GLIS3: variants seen among roughly 807,000 people sequenced by gnomAD.
GLIS3 encodes zinc finger protein GLIS3.
GLIS3 carries 53 observed loss-of-function variants against 78.6 expected under a neutral mutation model. That is an observed-to-expected ratio of 0.67 (90% confidence interval 0.54 to 0.85). GLIS3 has a LOEUF of 0.85. GLIS3 is among the 40% of genes least tolerant of loss of function. GLIS3 has a pLI of 0.00. For missense variants in GLIS3, 1,703 were observed against 1,231.1 expected (o/e 1.38, Z -5.74); for synonymous variants, 684 against 509.9 (o/e 1.34, Z -4.60).
intron 4 of GLIS3, among the ~76,000 whole-genome samples, chr9:4,091,814 T>C (rs1295648305): frequency 6.6e-6 from 1 of 152,178 alleles, no homozygotes; most frequent in Non-Finnish European, 1.5e-5. Context: ...GGCAGTTCTT[T>C]ATAGCAGCGT....
intron 4 of GLIS3, among the ~76,000 whole-genome samples, chr9:3,967,011 C>CAAAAAAAAAAAA (rs776900943): frequency 2.0e-4 from 6 of 29,594 alleles, no homozygotes; most frequent in South Asian, 1.3e-3. Flanking sequence ...TTTCTTTCTG[C>CAAAAAAAAAAAA]AAAAAAAAAA....
At chr9:4,063,462 T>C (rs1211725712) in intron 4 of GLIS3, among the ~76,000 whole-genome samples, 1 of 152,052 alleles carries the variant, frequency 6.6e-6, no homozygotes, top group Non-Finnish European at 1.5e-5. Flanking sequence ...AATCTATTCA[T>C]GTAATTTAGC....
rs140687401 is a variant in GLIS3 at position 3,903,100 on chromosome 9, C to T, written c.1984-4265G>A. Among the ~76,000 whole-genome samples the T allele has an allele frequency of 5.3e-5, 8 of 152,280 alleles. No homozygotes were observed. The East Asian group carries it at 1.4e-3, about 26-fold the overall frequency. ...ATCTTGGCAATTTTCTAAGAAGCCT[C>T]CTTGGGACATCTGGACCTTAAAAGT... On this transcript the variant is annotated intron_variant, in intron 6 of 10. Transcript: ENST00000381971.
intron 2 of GLIS3, among the ~76,000 whole-genome samples, chr9:4,254,257 G>A (rs1437676559): frequency 6.6e-6 from 1 of 152,160 alleles, no homozygotes; most frequent in Non-Finnish European, 1.5e-5. Flanking sequence ...AGATACGTGA[G>A]AATAAAGAGT....
At chr9:3,893,603 C>T (rs1038196246) in intron 7 of GLIS3, among the ~76,000 whole-genome samples, 4 of 152,180 alleles carry the variant, frequency 2.6e-5, no homozygotes, top group Non-Finnish European at 4.4e-5. Context: ...TCTAACTCCT[C>T]CCAGTCAAAA....
intron 2 of GLIS3, among the ~76,000 whole-genome samples, chr9:4,312,253 A>T (rs181025195): frequency 6.6e-6 from 1 of 152,304 alleles, no homozygotes; most frequent in Non-Finnish European, 1.5e-5. Context: ...GGATCACTTG[A>T]GGTCAGGAGT....
chr9:4,137,867 T>C (rs950472101), intron 2 of GLIS3, among the ~76,000 whole-genome samples: 2 of 152,180 alleles, frequency 1.3e-5, no homozygotes, highest in African/African-American at 2.4e-5. Flanking sequence ...AAAGAGGAAA[T>C]GTAAGCACAT....
At chr9:4,059,422 C>A (rs1826435591) in intron 4 of GLIS3, among the ~76,000 whole-genome samples, 1 of 152,206 alleles carries the variant, frequency 6.6e-6, no homozygotes. Context: ...TGCCAGAGTG[C>A]CATGATGGGA....
At chr9:4,313,588 C>T (rs1412821431) in intron 2 of GLIS3, among the ~76,000 whole-genome samples, 2 of 152,224 alleles carry the variant, frequency 1.3e-5, no homozygotes, top group South Asian at 2.1e-4. Context: ...ACTCCTTGAT[C>T]TTGGACCTTG....
At position 3,977,363 on chromosome 9, in the gene GLIS3, C is replaced by T. The variant is rs1380057893; in HGVS notation, c.1711-40174G>A. ...TAGCAGAATAAACTCATATCTGATG[C>T]TATAATTACAACCCTAATGGACACA... On this transcript the variant is annotated intron_variant, in intron 4 of 10. Coordinates refer to ENST00000381971, the MANE Select transcript of GLIS3 (RefSeq NM_001042413.2). This position sits in a 1 kb window ranked among gnomAD's most constrained non-coding sequence, Gnocchi z 4.1. Among the ~76,000 whole-genome samples the T allele has an allele frequency of 2.0e-5, 3 of 152,168 alleles. No individual in the cohort carries two copies. Among genetic ancestry groups the T allele is most frequent in the Admixed American group, 1.3e-4 (2 of 15,274 alleles).
intron 4 of GLIS3, among the ~76,000 whole-genome samples, chr9:4,104,790 T>A (rs1202708828): frequency 1.3e-5 from 2 of 152,200 alleles, no homozygotes; most frequent in Non-Finnish European, 2.9e-5. Context: ...GGTATCTGCA[T>A]TATTTATTAT....
chr9:4,146,624 A>G (rs1474298526), intron 2 of GLIS3, among the ~76,000 whole-genome samples: 1 of 152,230 alleles, frequency 6.6e-6, no homozygotes, highest in African/African-American at 2.4e-5. Flanking sequence ...AATCTGGCGA[A>G]CTGATTTTTA....
intron 2 of GLIS3, among the ~76,000 whole-genome samples, chr9:4,158,308 G>C (rs748725870): frequency 1.3e-5 from 2 of 152,140 alleles, no homozygotes; most frequent in South Asian, 4.1e-4. Flanking sequence ...ACACATGTTT[G>C]CCATATCCCT....
At chr9:4,079,714 C>T (rs1464178202) in intron 4 of GLIS3, among the ~76,000 whole-genome samples, 1 of 150,880 alleles carries the variant, frequency 6.6e-6, no homozygotes, top group African/African-American at 2.4e-5. Context: ...TAAGGAAAGG[C>T]CTTCTTTTCT....
At chr9:3,985,834 G>C (rs1480442009) in intron 4 of GLIS3, among the ~76,000 whole-genome samples, 6 of 152,162 alleles carry the variant, frequency 3.9e-5, no homozygotes, top group African/African-American at 1.4e-4. Context: ...TTTTGTGATG[G>C]AACAATCTAC....
chr9:3,915,069 C>G lies in GLIS3; in HGVS notation c.1984-16234G>C, dbSNP rs552248299. Among the ~76,000 whole-genome samples, 3 of 152,264 alleles carry G rather than the reference C, an allele frequency of 2.0e-5. No homozygotes were observed. In the East Asian group the frequency reaches 5.8e-4, roughly 29 times the overall value. The stretch of plus-strand genomic sequence containing the variant: ...GATGCTTTGGTGAAATAAAGCTCCT[C>G]TCCTTGGTCATCAGAAAGGAGGCCT... On this transcript the variant is annotated intron_variant, in intron 6 of 10. Transcript: ENST00000381971.
At chr9:4,455,563 GCCT>G in the GLIS3 span, among the ~76,000 whole-genome samples, 18 of 152,258 alleles carry the variant, frequency 1.2e-4, no homozygotes, top group East Asian at 2.7e-3. Context: ...GGATGAACTT[GCCT>G]CTAACATTCT....
At chr9:3,847,718 C>G (rs1177159278) in intron 9 of GLIS3, among the ~76,000 whole-genome samples, 1 of 152,254 alleles carries the variant, frequency 6.6e-6, no homozygotes, top group Non-Finnish European at 1.5e-5. Flanking sequence ...GCTTACTGCA[C>G]TCTGCATATA....
intron 4 of GLIS3, among the ~76,000 whole-genome samples, chr9:4,054,922 G>T (rs1225344272): frequency 6.6e-6 from 1 of 152,132 alleles, no homozygotes; most frequent in Non-Finnish European, 1.5e-5. Context: ...CCAAATAATG[G>T]TCTCCCAAGT....
Sources: gnomAD v4.1 joint callset for allele counts (sites outside exome capture counted in the v4.1 genomes callset) on GRCh38, gnomAD v4.1.1 for gene constraint, Gnocchi (gnomAD v3.1) non-coding constraint, MANE v1.5 for transcripts, NCBI Gene and HGNC (gene_info 2026-07-23, HGNC 2026-07-21) for gene names.